The following TCERG1L variants were observed in gnomAD, a reference collection of about 807,000 sequenced individuals.
TCERG1L encodes the protein transcription elongation regulator 1 like, also known as transcription elongation regulator 1-like protein.
A neutral mutation model predicts 56.3 loss-of-function variants in TCERG1L; 37 were observed. That is an observed-to-expected ratio of 0.66 (90% CI 0.51 to 0.87). The LOEUF is 0.87. Among genes scored for constraint, TCERG1L ranks in the 40% least tolerant of loss-of-function variants. The probability of loss-of-function intolerance (pLI) is 0.00; values close to 1 mark genes in which losing one functional copy is unlikely to be tolerated. For missense variants in TCERG1L, 799 were observed against 774.2 expected (o/e 1.03, Z -0.38); for synonymous variants, 324 against 326.3 (o/e 0.99, Z 0.08).
At chr10:131,247,728 T>C (rs2133528937) in intron 4 of TCERG1L, among the ~76,000 whole-genome samples, 1 of 152,248 alleles carries the variant, frequency 6.6e-6, no homozygotes, top group Admixed American at 6.5e-5. Context: ...ACACATCTGG[T>C]CCATTTACCC....
chr10:131,218,036 TAAGTTA>T (rs1845690581), intron 4 of TCERG1L, among the ~76,000 whole-genome samples: 1 of 152,066 alleles, frequency 6.6e-6, no homozygotes, highest in Non-Finnish European at 1.5e-5. Flanking sequence ...AGCTGGCTTT[TAAGTTA>T]AAGGATGCAC....
intron 7 of TCERG1L, among the ~76,000 whole-genome samples, chr10:131,143,393 A>G (rs7895030): frequency 0.82 from 124,859 of 151,940 alleles, 52,751 homozygotes; most frequent in Non-Finnish European, 0.92. Flanking sequence ...GAAAGAGGCC[A>G]GGGTATGTAT....
At chr10:131,245,226 T>G (rs1264870539) in intron 4 of TCERG1L, among the ~76,000 whole-genome samples, 1 of 152,092 alleles carries the variant, frequency 6.6e-6, no homozygotes, top group East Asian at 1.9e-4. Flanking sequence ...AGAGAAAGTG[T>G]CAGCAAAACC....
At chr10:131,137,797 A>C (rs1218244904) in intron 7 of TCERG1L, among the ~76,000 whole-genome samples, 1 of 152,204 alleles carries the variant, frequency 6.6e-6, no homozygotes, top group African/African-American at 2.4e-5. Flanking sequence ...AATATGTATA[A>C]ATTTAACAGA....
chr10:131,303,319 C>T (rs1846786510), intron 3 of TCERG1L, among the ~76,000 whole-genome samples: 1 of 152,096 alleles, frequency 6.6e-6, no homozygotes, highest in African/African-American at 2.4e-5. Flanking sequence ...GATCGCCATT[C>T]TAACTGGCAT....
chr10:131,139,297 T>A (rs1387159689), intron 7 of TCERG1L, among the ~76,000 whole-genome samples: 2 of 152,228 alleles, frequency 1.3e-5, no homozygotes, highest in African/African-American at 4.8e-5. Flanking sequence ...AAAACCTAGG[T>A]ACAAAGATGT....
At chr10:131,150,079 TGTTCCTCTCTA>T (rs1423170220) in intron 6 of TCERG1L, among the ~76,000 whole-genome samples, 3 of 152,182 alleles carry the variant, frequency 2.0e-5, no homozygotes, top group Admixed American at 6.6e-5. Context: ...TGGCTCTCTG[TGTTCCTCTCTA>T]GCAACTTAAG....
At chr10:131,142,358 G>A (rs964801465) in intron 7 of TCERG1L, among the ~76,000 whole-genome samples, 4 of 152,342 alleles carry the variant, frequency 2.6e-5, no homozygotes, top group Admixed American at 2.6e-4. Flanking sequence ...TGGGCCCCTG[G>A]TGAGATAGAT....
At chr10:131,298,421 C>CT (rs199736975) in intron 3 of TCERG1L, among the ~76,000 whole-genome samples, 39 of 149,436 alleles carry the variant, frequency 2.6e-4, no homozygotes, top group African/African-American at 6.4e-4. Context: ...ATTGTGTAAA[C>CT]TTTTTTTTTT....
intron 4 of TCERG1L, among the ~76,000 whole-genome samples, chr10:131,193,206 T>C (rs1050415074): frequency 4.6e-5 from 7 of 152,024 alleles, no homozygotes; most frequent in Middle Eastern, 3.4e-3. Context: ...ATGAAATTTA[T>C]TGTTGTTGTT....
chr10:131,112,766 C>T (rs1050802567), intron 9 of TCERG1L, among the ~76,000 whole-genome samples: 1 of 142,496 alleles, frequency 7.0e-6, no homozygotes, highest in African/African-American at 2.5e-5. Flanking sequence ...GTCCTGGGAA[C>T]GGACACACGG....
intron 4 of TCERG1L, among the ~76,000 whole-genome samples, chr10:131,230,611 G>C (rs963337208): frequency 6.6e-6 from 1 of 152,216 alleles, no homozygotes; most frequent in East Asian, 1.9e-4. Context: ...CTAAGCCTCC[G>C]TGTGGATGTG....
chr10:131,285,519 AGAAAGAG>A (rs1564833925), intron 3 of TCERG1L, among the ~76,000 whole-genome samples: 2 of 12,908 alleles, frequency 1.5e-4, no homozygotes, highest in Admixed American at 1.1e-3. Flanking sequence ...AAAGAAAGAA[AGAAAGAG>A]AGAAAGAAAA....
At chr10:131,310,178 G>GA (rs758710844) in intron 1 of TCERG1L, among the ~76,000 whole-genome samples, 63 of 152,118 alleles carry the variant, frequency 4.1e-4, no homozygotes, top group Non-Finnish European at 8.4e-4. Context: ...TTATATAAGT[G>GA]AAAAAATGCA....
At chr10:131,252,731 T>C (rs1007370331) in intron 4 of TCERG1L, among the ~76,000 whole-genome samples, 2 of 152,260 alleles carry the variant, frequency 1.3e-5, no homozygotes, top group South Asian at 2.1e-4. Flanking sequence ...AGTGCTGTTA[T>C]CACAAATTAA....
intron 3 of TCERG1L, among the ~76,000 whole-genome samples, chr10:131,282,008 C>A (rs1380194736): frequency 1.3e-5 from 2 of 151,924 alleles, no homozygotes. Context: ...CGGTGGCGGG[C>A]GCCTGTAGTC....
intron 4 of TCERG1L, among the ~76,000 whole-genome samples, chr10:131,197,496 T>C (rs1845379006): frequency 1.2e-5 from 1 of 82,644 alleles, no homozygotes; most frequent in Admixed American, 1.4e-4. Context: ...TTCTCCTCCA[T>C]TTTTTTTTCT....
intron 4 of TCERG1L, among the ~76,000 whole-genome samples, chr10:131,248,935 C>T (rs1846072924): frequency 6.6e-6 from 1 of 152,190 alleles, no homozygotes; most frequent in Non-Finnish European, 1.5e-5. Context: ...GAATGGTGCC[C>T]TAGGCCGCCC....
chr10:131,231,582 G>A (rs1845852580), intron 4 of TCERG1L, among the ~76,000 whole-genome samples: 1 of 152,104 alleles, frequency 6.6e-6, no homozygotes, highest in Non-Finnish European at 1.5e-5. Flanking sequence ...GGCATCAGAG[G>A]GGTTCGGAGC....
Sources: gnomAD v4.1 joint callset for allele counts (sites outside exome capture counted in the v4.1 genomes callset) on GRCh38, gnomAD v4.1.1 for gene constraint, MANE v1.5 for transcripts, NCBI Gene and HGNC (gene_info 2026-07-23, HGNC 2026-07-21) for gene names.